Variants in TCF25 observed in about 807,000 individuals in gnomAD.
The protein encoded by TCF25 is ribosome quality control complex subunit TCF25.
TCF25 carries 41 observed loss-of-function variants against 83.1 expected under a neutral mutation model. The observed-to-expected ratio is 0.49, with a 90% CI of 0.38 to 0.64. The LOEUF is 0.64. Among genes scored for constraint, TCF25 ranks in the 30% least tolerant of loss-of-function variants. The probability of loss-of-function intolerance (pLI) is 0.00; values close to 1 mark genes in which losing one functional copy is unlikely to be tolerated. For missense variants in TCF25, 979 were observed against 914.5 expected (o/e 1.07, Z -0.91); for synonymous variants, 458 against 365.0 (o/e 1.25, Z -2.90).
chr16:89,908,968 A>C (rs1462453940), intron 16 of TCF25: 1 of 1,289,306 alleles, frequency 7.8e-7, no homozygotes, highest in Non-Finnish European at 1.0e-6. Flanking sequence ...CCTCACAGGA[A>C]GGGAGAGGAG....
At chr16:89,889,370 T>A (rs2144076379) in intron 5 of TCF25, 4 of 280,400 alleles carry the variant, frequency 1.4e-5, no homozygotes, top group South Asian at 1.3e-4. Flanking sequence ...AGAAACAAGG[T>A]CTTACTTTGT....
At chr16:89,884,535 A>C (rs931341571) in intron 2 of TCF25, 47 bp from the exon 3 acceptor site, 7 of 1,596,508 alleles carry the variant, frequency 4.4e-6, no homozygotes, top group African/African-American at 1.3e-5. Flanking sequence ...CTCACTTCTT[A>C]AGATTTACTT....
intron 1 of TCF25, among the ~76,000 whole-genome samples, 194 bp from the exon 2 acceptor site, chr16:89,883,157 A>T (rs575525790): frequency 8.4e-6 from 1 of 118,942 alleles, no homozygotes; most frequent in Admixed American, 7.5e-5. Flanking sequence ...AGCTGCTGAC[A>T]AAGTCCCCCT....
intron 17 of TCF25, 55 bp from the exon 18 acceptor site, chr16:89,911,025 G>T (rs978974815): frequency 6.3e-7 from 1 of 1,598,390 alleles, no homozygotes; most frequent in East Asian, 2.2e-5. Flanking sequence ...TTGGGCCCCG[G>T]GCCCCTAGTC....
intron 1 of TCF25, among the ~76,000 whole-genome samples, chr16:89,881,745 T>C (rs1440755911): frequency 6.6e-6 from 1 of 152,000 alleles, no homozygotes; most frequent in Non-Finnish European, 1.5e-5. Flanking sequence ...ACACCCAATC[T>C]GTTAGCCTCT....
chr16:89,903,667 C>T (rs553955061), intron 12 of TCF25, among the ~76,000 whole-genome samples: 10 of 151,998 alleles, frequency 6.6e-5, no homozygotes, highest in South Asian at 2.1e-4. Flanking sequence ...TTAACCGGGG[C>T]GTGGTAGTGT....
rs143933057 is a variant in TCF25, at chr16:89,910,643, T to A, written c.1852T>A (p.Leu618Met). The A allele has an allele frequency of 3.0e-4, 482 of 1,613,532 alleles. No individual in the cohort carries two copies. Among genetic ancestry groups the A allele is most frequent in the Non-Finnish European group, 3.1e-4 (366 of 1,179,970 alleles). Reference sequence around the variant, plus strand: ...CATTGCTCTCTTCTTCCGGTCACTGTTGCCAAACTATACCATGGAGGTAGG... The same window carrying A: ...CATTGCTCTCTTCTTCCGGTCACTGATGCCAAACTATACCATGGAGGTAGG... ...NTIALFFRSLLPNYTMEGERP... is the reference protein window; with the variant it reads ...NTIALFFRSLMPNYTMEGERP... The change falls in exon 17 of 18, where the codon TTG (leucine) becomes ATG (methionine). Residue 618 changes from leucine to methionine, a missense_variant. Physicochemically the swap from Leu to Met is conservative, Grantham distance 15. Transcript: ENST00000263346.
chr16:89,877,237 T>G (rs2042271037), intron 1 of TCF25, among the ~76,000 whole-genome samples: 1 of 152,170 alleles, frequency 6.6e-6, no homozygotes, highest in African/African-American at 2.4e-5. Context: ...AGAGTCTCGC[T>G]CTATTGCCCA....
intron 1 of TCF25, 115 bp downstream of exon 1, chr16:89,873,974 C>T (rs2041952326): frequency 3.9e-6 from 4 of 1,023,972 alleles, no homozygotes; most frequent in South Asian, 3.8e-5. Context: ...GGAAGGGTGA[C>T]GTGGGTCCCA....
intron 16 of TCF25, chr16:89,909,253 T>C: frequency 1.1e-6 from 1 of 884,598 alleles, no homozygotes; most frequent in Non-Finnish European, 1.5e-6. Context: ...GACTCACGCC[T>C]GTAATTCCAG....
In TCF25 at chr16:89,873,959, G is replaced by T. The variant is rs2041950470; in HGVS notation, c.192+100G>T. Reference sequence around the variant, plus strand: ...TCGGGGAGCGGGGTTGTGATGCCAGGGGTGGGAAGGGTGACGTGGGTCCCA... The same window carrying T: ...TCGGGGAGCGGGGTTGTGATGCCAGTGGTGGGAAGGGTGACGTGGGTCCCA... On this transcript the variant is annotated intron_variant, in intron 1 of 17. Coordinates refer to ENST00000263346, the MANE Select transcript of TCF25 (RefSeq NM_014972.3). 3.5e-5 allele frequency: 48 copies of T among 1,361,226 alleles called. No homozygotes were observed. The South Asian group carries it at 6.2e-4, about 18-fold the overall frequency. 84.3% of individuals were successfully genotyped at this position (1,361,226 alleles called of 1,614,324 possible).
chr16:89,895,184 C>T (rs764474031), intron 8 of TCF25, 47 bp downstream of exon 8: 1 of 1,551,784 alleles, frequency 6.4e-7, no homozygotes, highest in East Asian at 2.3e-5. Flanking sequence ...GGGAGCACCT[C>T]AAGCTATCAA....
chr16:89,908,973 G>A, intron 16 of TCF25: 1 of 1,289,512 alleles, frequency 7.8e-7, no homozygotes, highest in Non-Finnish European at 1.0e-6. Flanking sequence ...CAGGAAGGGA[G>A]AGGAGGAGAG....
At chr16:89,890,027 G>A (rs1428121535) in intron 5 of TCF25, 1 of 151,950 alleles carries the variant, frequency 6.6e-6, no homozygotes, top group Non-Finnish European at 1.5e-5. Context: ...GTGCCACCAT[G>A]CTCGGCAAAT....
chr16:89,880,187 A>G (rs2042506808), intron 1 of TCF25, among the ~76,000 whole-genome samples: 1 of 151,978 alleles, frequency 6.6e-6, no homozygotes, highest in Non-Finnish European at 1.5e-5. Context: ...GCTCCTTTCC[A>G]TTGAAGTTCA....
At chr16:89,895,890 C>T in intron 8 of TCF25, 100 bp from the exon 9 acceptor site, 1 of 1,096,430 alleles carries the variant, frequency 9.1e-7, no homozygotes, top group Non-Finnish European at 1.3e-6. Flanking sequence ...AGTTTCGTGA[C>T]CTTCCGTCCA....
At chr16:89,904,608 C>T (rs2144253379) in intron 13 of TCF25, 1 of 503,340 alleles carries the variant, frequency 2.0e-6, no homozygotes, top group Non-Finnish European at 3.7e-6. Flanking sequence ...AGGGAGCAAA[C>T]ACAGGAGAAA....
intron 7 of TCF25, among the ~76,000 whole-genome samples, chr16:89,894,125 C>T (rs1013026825): frequency 3.3e-5 from 5 of 152,190 alleles, no homozygotes; most frequent in East Asian, 1.9e-4. Flanking sequence ...GCAGTAGTGC[C>T]GTGTGATGCA....
chr16:89,903,673 A>G (rs2044533864), intron 12 of TCF25, among the ~76,000 whole-genome samples: 3 of 151,080 alleles, frequency 2.0e-5, no homozygotes, highest in African/African-American at 7.3e-5. Flanking sequence ...GGGGCGTGGT[A>G]GTGTGCGCCT....
Sources: allele counts gnomAD v4.1 joint callset (sites outside exome capture counted in the v4.1 genomes callset), GRCh38; gene constraint gnomAD v4.1.1; transcripts MANE v1.5; gene names NCBI Gene and HGNC (gene_info 2026-07-23, HGNC 2026-07-21).